The following SYT16 variants were observed in gnomAD, a reference collection of about 807,000 sequenced individuals.
The protein encoded by SYT16 is synaptotagmin-16.
SYT16 carries 42 observed loss-of-function variants against 61.4 expected under a neutral mutation model. The ratio of observed to expected loss-of-function variants is 0.68; its 90% CI spans 0.53 to 0.89. SYT16 has a LOEUF of 0.89. SYT16 is among the 40% of genes least tolerant of loss of function. The probability of loss-of-function intolerance (pLI) is 0.00; values close to 1 mark genes in which losing one functional copy is unlikely to be tolerated. For missense variants in SYT16, 804 were observed against 807.3 expected, an observed-to-expected ratio of 1.00 and a Z score of 0.05; for synonymous variants, 314 against 302.3, an observed-to-expected ratio of 1.04 and a Z score of -0.40.
chr14:61,889,137 G>A (rs1235535466), intron 1 of SYT16, among the ~76,000 whole-genome samples: 1 of 152,208 alleles, frequency 6.6e-6, no homozygotes, highest in African/African-American at 2.4e-5. Flanking sequence ...GTCTTGCAGT[G>A]GAGGAGAGAG....
chr14:62,006,713 A>G (rs1302766545), intron 3 of SYT16, among the ~76,000 whole-genome samples: 2 of 152,188 alleles, frequency 1.3e-5, no homozygotes, highest in Non-Finnish European at 2.9e-5. Flanking sequence ...CCAAAACACC[A>G]CCTTCTCAGT....
chr14:62,013,096 G>A (rs2053533475), intron 3 of SYT16, among the ~76,000 whole-genome samples: 3 of 152,140 alleles, frequency 2.0e-5, no homozygotes, highest in Admixed American at 2.0e-4. Flanking sequence ...TTAACTTATG[G>A]TAGACTTTTT....
chr14:61,896,027 G>T lies in SYT16; in HGVS notation c.-324-74105G>T, dbSNP rs189882232. ...TGTCATTACTGTAGTTTGTTCTTTG[G>T]TCTTTGCCCTTACACCTCTCTGAGA... On this transcript the variant is annotated intron_variant, in intron 1 of 7. Transcript: ENST00000683842. 3.3e-5 allele frequency among the ~76,000 whole-genome samples: 5 copies of T among 151,966 alleles called. No individual in the cohort carries two copies. In the East Asian group the frequency reaches 9.7e-4, roughly 29 times the overall value.
At chr14:62,000,109 T>TTTTTTTTTTTTTTTTTTTTTTTTTTTG (rs2052947021) in intron 3 of SYT16, among the ~76,000 whole-genome samples, 1 of 135,656 alleles carries the variant, frequency 7.4e-6, no homozygotes, top group Non-Finnish European at 1.6e-5. Flanking sequence ...ATTTTTTTTT[T>TTTTTTTTTTTTTTTTTTTTTTTTTTTG]TTTTTTTTTT....
chr14:61,874,143 T>G (rs2047414693), intron 1 of SYT16, among the ~76,000 whole-genome samples: 1 of 152,218 alleles, frequency 6.6e-6, no homozygotes, highest in Admixed American at 6.5e-5. Context: ...CTGTGAACTC[T>G]AGTTGCATAG....
chr14:61,945,837 C>T (rs2050407398), intron 1 of SYT16, among the ~76,000 whole-genome samples: 1 of 112,188 alleles, frequency 8.9e-6, no homozygotes, highest in Non-Finnish European at 1.7e-5. Flanking sequence ...GCCTGGGCGA[C>T]AGAGCGAGAC....
chr14:62,076,404 A>T (rs1413304782), intron 5 of SYT16, among the ~76,000 whole-genome samples: 1 of 151,948 alleles, frequency 6.6e-6, no homozygotes, highest in Non-Finnish European at 1.5e-5. Context: ...TGCATCTCTT[A>T]TTAGGACTTG....
At chr14:61,873,013 C>A (rs1197959266) in intron 1 of SYT16, among the ~76,000 whole-genome samples, 1 of 152,104 alleles carries the variant, frequency 6.6e-6, no homozygotes, top group East Asian at 1.9e-4. Context: ...TATCCAAAAG[C>A]AATTTCATTA....
chr14:61,843,487 T>C (rs1331767324), intron 1 of SYT16, among the ~76,000 whole-genome samples: 1 of 152,220 alleles, frequency 6.6e-6, no homozygotes, highest in Non-Finnish European at 1.5e-5. Flanking sequence ...CCCAGGCCAA[T>C]GTCCTGAAAT....
chr14:61,941,034 C>A (rs528697906), intron 1 of SYT16, among the ~76,000 whole-genome samples: 1 of 152,284 alleles, frequency 6.6e-6, no homozygotes, highest in Admixed American at 6.5e-5. Flanking sequence ...GCAAGAGTTA[C>A]AATCTAAGGG....
At chr14:61,951,901 C>A (rs1450373532) in intron 1 of SYT16, among the ~76,000 whole-genome samples, 2 of 152,076 alleles carry the variant, frequency 1.3e-5, no homozygotes, top group Admixed American at 6.5e-5. Context: ...GTGATCCTCC[C>A]ACCTCTGCCT....
intron 1 of SYT16, among the ~76,000 whole-genome samples, chr14:61,953,508 T>C (rs959615391): frequency 1.3e-5 from 2 of 152,108 alleles, no homozygotes; most frequent in African/African-American, 4.8e-5. Flanking sequence ...GCTCTCTTGC[T>C]CTCTCTGGTT....
chr14:61,928,269 G>T (rs1330935288), intron 1 of SYT16, among the ~76,000 whole-genome samples: 1 of 152,118 alleles, frequency 6.6e-6, no homozygotes, highest in Non-Finnish European at 1.5e-5. Context: ...GAATTGATTT[G>T]CTTTGTCCTC....
At chr14:62,045,345 C>T (rs997457806) in intron 3 of SYT16, among the ~76,000 whole-genome samples, 3 of 152,022 alleles carry the variant, frequency 2.0e-5, no homozygotes, top group South Asian at 2.1e-4. Flanking sequence ...GAAGGTTGGA[C>T]AAAGGTGTAT....
At position 61,898,654 on chromosome 14, in the gene SYT16, C is replaced by T. The variant is rs186604041; in HGVS notation, c.-324-71478C>T. Among the ~76,000 whole-genome samples, 6 of 152,332 alleles carry T rather than the reference C, an allele frequency of 3.9e-5. No homozygotes were observed. In the East Asian group the frequency reaches 1.2e-3, roughly 29 times the overall value. On this transcript the variant is annotated intron_variant, in intron 1 of 7. Transcript: ENST00000683842. ...TTCATGTGACTCCTTCCAGTGGGCA[C>T]AGACACGAGCTGAGAGTGTACACTT... is the stretch of plus-strand genomic sequence containing the variant.
chr14:62,023,812 G>T (rs894933216), intron 3 of SYT16, among the ~76,000 whole-genome samples: 1 of 152,038 alleles, frequency 6.6e-6, no homozygotes, highest in East Asian at 1.9e-4. Context: ...TTTTTTAATC[G>T]TGTAGTCTTG....
At chr14:62,039,991 T>A (rs2054664883) in intron 3 of SYT16, among the ~76,000 whole-genome samples, 1 of 152,042 alleles carries the variant, frequency 6.6e-6, no homozygotes, top group Non-Finnish European at 1.5e-5. Flanking sequence ...ACGGAGGGTG[T>A]TGAAAGCAGT....
chr14:61,867,400 G>A (rs1369219939), intron 1 of SYT16, among the ~76,000 whole-genome samples: 10 of 151,926 alleles, frequency 6.6e-5, no homozygotes, highest in African/African-American at 1.9e-4. Context: ...TTAACCTCAC[G>A]GTGACTCATT....
At position 62,108,719 on chromosome 14, in the gene SYT16, G is replaced by T. The variant is rs539917462; in HGVS notation, c.*8012G>T. 1.3e-5 allele frequency: 2 copies of T among 152,192 alleles called. No homozygotes were observed. The highest frequency in any genetic ancestry group is 3.9e-4 in the East Asian group (2 of 5,186). 9.4% of individuals were successfully genotyped at this position (152,192 alleles called of 1,614,324 possible). On this transcript the variant is annotated 3_prime_UTR_variant, in exon 8 of 8. Transcript: ENST00000683842. ...TCCAGAATTTTAAAACTTAATTTCA[G>T]TATAGATTTTAAGTTTGTGAATAAG...
Sources: gnomAD v4.1 joint callset for allele counts (sites outside exome capture counted in the v4.1 genomes callset) on GRCh38, gnomAD v4.1.1 for gene constraint, MANE v1.5 for transcripts, NCBI Gene and HGNC (gene_info 2026-07-23, HGNC 2026-07-21) for gene names.